Variants in KDM5C observed in about 807,000 individuals in gnomAD.
The protein encoded by KDM5C is lysine-specific demethylase 5C.
A neutral mutation model predicts 110.6 loss-of-function variants in KDM5C; 16 were observed. That is an observed-to-expected ratio of 0.14 (90% confidence interval 0.10 to 0.22). KDM5C has a LOEUF of 0.22. Among genes scored for constraint, KDM5C ranks in the 10% least tolerant of loss-of-function variants. The pLI is 1.00. For synonymous variants in KDM5C, 511 were observed against 520.4 expected (o/e 0.98, Z 0.24); for missense variants, 681 against 1,300.9 (o/e 0.52, Z 7.33).
In KDM5C at chrX:53,217,295, G is replaced by GT. The variant is rs782586611; in HGVS notation, c.523-19dup. 4 of 1,209,968 alleles carry GT rather than the reference G, an allele frequency of 3.3e-6. No homozygotes were observed. The Admixed American group carries it at 8.7e-5, about 26-fold the overall frequency. ...TTACACTGCTGGGGACAGGTAAGGG[G>GT]TAAGGGTCAGGACATGGACTCCAGC... is the stretch of plus-strand genomic sequence containing the variant. On this transcript the variant is annotated intron_variant, in intron 4 of 25. Transcript: ENST00000375401.
chrX:53,209,762 C>T (rs1456238961), intron 12 of KDM5C, among the ~76,000 whole-genome samples: 1 of 112,126 alleles, frequency 8.9e-6, no homozygotes, highest in African/African-American at 3.2e-5. Context: ...AATATAAAGT[C>T]TCTCACAGGT....
intron 3 of KDM5C, 75 bp downstream of exon 3, chrX:53,218,201 A>G: frequency 8.5e-7 from 1 of 1,169,945 alleles, no homozygotes; most frequent in Non-Finnish European, 1.2e-6. Context: ...CTAATATCCA[A>G]ACTAAGGGGG....
chrX:53,219,485 A>C (rs1252375251), intron 2 of KDM5C, among the ~76,000 whole-genome samples: 2 of 112,177 alleles, frequency 1.8e-5, no homozygotes, highest in African/African-American at 6.5e-5. Flanking sequence ...GGAGACTAGA[A>C]ACAAGATATG....
intron 5 of KDM5C, among the ~76,000 whole-genome samples, chrX:53,216,799 T>C (rs782687086): frequency 4.5e-5 from 5 of 111,941 alleles, no homozygotes; most frequent in African/African-American, 1.3e-4. Flanking sequence ...CTGGGCGACA[T>C]AGCAAGACCC....
chrX:53,181,554 A>G lies in KDM5C; in HGVS notation c.4309-4932T>C, dbSNP rs1243427469. Among the ~76,000 whole-genome samples, 3 of 108,986 alleles carry G rather than the reference A, an allele frequency of 2.8e-5. No individual in the cohort carries two copies. In the Admixed American group the frequency reaches 3.0e-4, roughly 11 times the overall value. 94.6% of individuals were successfully genotyped at this position (108,986 alleles called of 115,157 possible). On this transcript the variant is annotated intron_variant, in intron 25 of 25. Coordinates refer to the KDM5C transcript ENST00000685641. ...CCCATTACTGAATTCAGATTCCTGTATGTCCCAGGAAGTAAAGTCAAACCT... is the reference window on the plus strand; with the variant it reads ...CCCATTACTGAATTCAGATTCCTGTGTGTCCCAGGAAGTAAAGTCAAACCT...
At chrX:53,204,182 G>A (rs1295861557) in intron 12 of KDM5C, among the ~76,000 whole-genome samples, 2 of 107,454 alleles carry the variant, frequency 1.9e-5, no homozygotes, top group Non-Finnish European at 3.8e-5. Flanking sequence ...AAGCCATTTA[G>A]TTTGGGAAAC....
intron 25 of KDM5C, among the ~76,000 whole-genome samples, chrX:53,186,119 G>A (rs990370598): frequency 9.0e-6 from 1 of 111,726 alleles, no homozygotes; most frequent in Admixed American, 9.5e-5. Context: ...GTGGGATGGG[G>A]TTATACATGA....
At chrX:53,204,668 T>C (rs1042362603) in intron 12 of KDM5C, among the ~76,000 whole-genome samples, 14 of 111,464 alleles carry the variant, frequency 1.3e-4, no homozygotes, top group African/African-American at 4.6e-4. Flanking sequence ...GGCTAATTTT[T>C]TGTATTTTTG....
rs1556837523 is a variant in KDM5C, at chrX:53,196,932, C to T, written c.2735G>A (p.Gly912Glu). The change falls in exon 19 of 26, where the codon GGG becomes GAG. Residue 912 changes from glycine to glutamate, a missense_variant. By Grantham distance (98) the Gly-to-Glu change is moderately conservative. Around this residue, in one of 14 missense-constraint regions of KDM5C, gnomAD observed 123 missense variants for 169.0 expected, o/e 0.73. Transcript: ENST00000375401. ...QSLLERGRQL[G>E]VEVPEAQQLQ... ...CTGCTGGGCCTCAGGCACCTCCACC[C>T]CCAGCTGCCGCCCCCTCTCCAACAG... 1 of 1,199,218 alleles carries T rather than the reference C, an allele frequency of 8.3e-7. No homozygotes were observed. Among genetic ancestry groups the T allele is most frequent in the Admixed American group, 2.2e-5 (1 of 44,636 alleles).
At chrX:53,221,766 G>A in intron 1 of KDM5C, 1 of 978,433 alleles carries the variant, frequency 1.0e-6, no homozygotes, top group Non-Finnish European at 1.3e-6. Context: ...AAGCCCCAGG[G>A]GGTGGGGGTA....
rs782487748 is a variant in KDM5C, at chrX:53,222,314, T to C, written c.151-1398A>G. Among the ~76,000 whole-genome samples the C allele has an allele frequency of 8.7e-5, 9 of 103,660 alleles. No homozygotes were observed. The East Asian group carries it at 1.8e-3, about 21-fold the overall frequency. The allele number at this position is 103,660 out of a possible 115,157, so 90.0% of individuals were successfully genotyped here. On this transcript the variant is annotated intron_variant, in intron 1 of 25. Coordinates refer to ENST00000375401, the MANE Select transcript of KDM5C (RefSeq NM_004187.5). The stretch of plus-strand genomic sequence containing the variant: ...TACACAGACCACACTCCCCTGCCCC[T>C]ACCAGCCAAAGCAGGTGGCAAACAT...
chrX:53,183,848 C>T lies in KDM5C; in HGVS notation c.4309-7226G>A, dbSNP rs189128843. Among the ~76,000 whole-genome samples the T allele has an allele frequency of 4.3e-3, 484 of 111,790 alleles. 5 individuals are homozygous for T. The highest frequency in any genetic ancestry group is 0.015 in the African/African-American group (467 of 30,791). On this transcript the variant is annotated intron_variant, in intron 25 of 25. Transcript: ENST00000685641. ...TCAGCCTCCCAAAGTGCTGGGATTA[C>T]AGGCATAAGCAACCGCACCCCGCTA...
rs1463790897 is a variant in KDM5C, at chrX:53,192,975, G to T, written c.4675C>A (p.Gln1559Lys). The T allele has an allele frequency of 3.0e-5, 35 of 1,159,134 alleles. No individual in the cohort carries two copies. The highest frequency in any genetic ancestry group is 3.7e-5 in the Non-Finnish European group (32 of 868,169). The change falls in exon 26 of 26, where the codon CAG (glutamine) becomes AAG (lysine). Residue 1559 changes from glutamine (Q) to lysine (K), a missense_variant. Gln to Lys is a moderately conservative substitution (Grantham distance 53). Transcript: ENST00000375401. Reference sequence around the variant, plus strand: ...GCTAGGCTCAGCCACTGTCACAACTGTTGCTGAGGCGGCTGCTGTGGGCAG... The same window carrying T: ...GCTAGGCTCAGCCACTGTCACAACTTTTGCTGAGGCGGCTGCTGTGGGCAG... ...LPCPQQPPQQ[Q>K]L
chrX:53,186,992 C>A (rs1602148184), downstream of KDM5C, among the ~76,000 whole-genome samples: 1 of 112,335 alleles, frequency 8.9e-6, no homozygotes, highest in East Asian at 2.8e-4. Context: ...GAGTCCACTG[C>A]AGAAGAGGAG....
In KDM5C at chrX:53,225,154, G is replaced by A; in HGVS notation, c.-265C>T. 8.8e-6 allele frequency: 3 copies of A among 340,281 alleles called. No homozygotes were observed. The South Asian group carries it at 2.7e-4, about 30-fold the overall frequency. The allele number at this position is 340,281 out of a possible 1,213,427, so 28.0% of individuals were successfully genotyped here. ...CACTACCGCAGCCTTCGCCACCACA[G>A]TTACCTCCCAAACGCCGCGGCCTTC... On this transcript the variant is annotated 5_prime_UTR_variant, in exon 1 of 26. Transcript: ENST00000375401.
intron 1 of KDM5C, among the ~76,000 whole-genome samples, chrX:53,223,965 G>A (rs1278036215): frequency 8.9e-6 from 1 of 112,302 alleles, no homozygotes; most frequent in Non-Finnish European, 1.9e-5. Context: ...GAAAAGAAGA[G>A]GACAATTCCC....
Position 53,225,113 on chromosome X carries a change from TGTGTG to T in KDM5C, c.-229_-225del, listed in dbSNP as rs1556856435. The T allele has an allele frequency of 2.6e-6, 1 of 388,628 alleles. No individual in the cohort carries two copies. Among genetic ancestry groups the T allele is most frequent in the Non-Finnish European group, 4.3e-6 (1 of 233,339 alleles). 32.0% of individuals were successfully genotyped at this position (388,628 alleles called of 1,213,427 possible). ...TCGTCCCGCTCCGTTTCTTCCAAAC[TGTGTG>T]GTTGCCTCCCCACTACCGCAGCCTT... On this transcript the variant is annotated 5_prime_UTR_variant, in exon 1 of 26. Transcript: ENST00000375401.
intron 8 of KDM5C, chrX:53,212,282 T>G: frequency 1.1e-5 from 2 of 185,013 alleles, no homozygotes; most frequent in Non-Finnish European, 2.0e-5. Context: ...GCCACCATTT[T>G]TCCTCTCTAG....
chrX:53,216,269 C>T, intron 5 of KDM5C, 72 bp from the exon 6 acceptor site: 1 of 1,167,761 alleles, frequency 8.6e-7, no homozygotes. Context: ...AGAACAGTAA[C>T]TCGGACTACA....
Sources: allele counts gnomAD v4.1 joint callset (sites outside exome capture counted in the v4.1 genomes callset), GRCh38; gene constraint gnomAD v4.1.1; regional missense constraint gnomAD v4.1.1; transcripts MANE v1.5; gene names NCBI Gene and HGNC (gene_info 2026-07-23, HGNC 2026-07-21).